EXOC4: variants seen among roughly 807,000 people sequenced by gnomAD.
EXOC4 encodes the protein SEC8-like 1.
A neutral mutation model predicts 107.2 loss-of-function variants in EXOC4; 71 were observed. The observed-to-expected ratio is 0.66, with a 90% CI of 0.55 to 0.81. The LOEUF (loss-of-function observed/expected upper bound fraction) is 0.81, where lower values mean the gene tolerates loss of function less well. EXOC4 is among the 30% of genes least tolerant of loss of function. EXOC4 has a pLI of 0.00. For missense variants in EXOC4, 1,108 were observed against 1,189.6 expected (o/e 0.93, Z 1.01); for synonymous variants, 456 against 441.2 (o/e 1.03, Z -0.42).
chr7:133,537,883 A>G (rs927494196), intron 9 of EXOC4, among the ~76,000 whole-genome samples: 10 of 152,354 alleles, frequency 6.6e-5, no homozygotes, highest in South Asian at 2.1e-4. Flanking sequence ...ATGGGGTTGT[A>G]AAGAGTTTTA....
At chr7:134,033,405 G>A (rs960090262) in intron 17 of EXOC4, among the ~76,000 whole-genome samples, 15 of 152,100 alleles carry the variant, frequency 9.9e-5, no homozygotes, top group African/African-American at 2.4e-5. Flanking sequence ...TTTTAGCACT[G>A]GAGGGAGAGG....
rs527547241 is a variant in EXOC4 at position 133,519,406 on chromosome 7, G to GA, written c.1417+39269dup. 8.5e-5 allele frequency among the ~76,000 whole-genome samples: 13 copies of GA among 152,130 alleles called. No individual in the cohort carries two copies. In the East Asian group the frequency reaches 1.7e-3, roughly 20 times the overall value. On this transcript the variant is annotated intron_variant, in intron 9 of 17. Transcript: ENST00000253861. Reference sequence around the variant, plus strand: ...CCAGTGCGCTCCAGCCCGGGCAACAGAGTGAGACCCTATCTTAAAAAAAAG... The same window carrying GA: ...CCAGTGCGCTCCAGCCCGGGCAACAGAAGTGAGACCCTATCTTAAAAAAAAG...
intron 14 of EXOC4, among the ~76,000 whole-genome samples, chr7:133,950,893 T>G (rs1055325694): frequency 6.6e-6 from 1 of 152,254 alleles, no homozygotes; most frequent in African/African-American, 2.4e-5. Flanking sequence ...ATCTTATTAC[T>G]TGTTTAATGG....
chr7:133,468,241 T>C (rs545789157), intron 7 of EXOC4, among the ~76,000 whole-genome samples: 2 of 152,298 alleles, frequency 1.3e-5, no homozygotes, highest in South Asian at 4.1e-4. Context: ...CACAAGACCA[T>C]AGCGTTAGTG....
At chr7:133,936,957 G>A (rs1007421336) in intron 13 of EXOC4, among the ~76,000 whole-genome samples, 7 of 152,120 alleles carry the variant, frequency 4.6e-5, no homozygotes, top group African/African-American at 1.4e-4. Flanking sequence ...CACTGCGCCC[G>A]GCCTTCAGTC....
In EXOC4 at chr7:133,795,051, C is replaced by T. The variant is rs564577271; in HGVS notation, c.1515-22274C>T. On this transcript the variant is annotated intron_variant, in intron 10 of 17. Transcript: ENST00000253861. ...ATTATGCATGTGTTCTTAAATGGTA[C>T]GTTGAAGAGACTATACAAAGAACTT... Among the ~76,000 whole-genome samples the T allele has an allele frequency of 9.8e-4, 147 of 150,514 alleles. 1 individual carries two copies. The highest frequency in any genetic ancestry group is 2.9e-3 in the African/African-American group (119 of 40,954).
At chr7:133,762,005 G>A (rs1439018838) in intron 10 of EXOC4, among the ~76,000 whole-genome samples, 12 of 152,298 alleles carry the variant, frequency 7.9e-5, no homozygotes, top group East Asian at 7.7e-4. Context: ...CAGCTCTCAC[G>A]TGCTTGATCT....
At chr7:133,483,997 C>G (rs1300251895) in intron 9 of EXOC4, 1 of 1,611,078 alleles carries the variant, frequency 6.2e-7, no homozygotes, top group Non-Finnish European at 8.5e-7. Context: ...GCTTTGCTTC[C>G]CAGTAATTTC....
chr7:133,911,099 AT>A (rs1799683513), intron 12 of EXOC4, among the ~76,000 whole-genome samples: 1 of 152,068 alleles, frequency 6.6e-6, no homozygotes, highest in Non-Finnish European at 1.5e-5. Context: ...AGGTACACCT[AT>A]TTTCCTCTTC....
chr7:133,316,703 G>A (rs529388084), intron 4 of EXOC4, among the ~76,000 whole-genome samples: 2 of 152,138 alleles, frequency 1.3e-5, no homozygotes, highest in East Asian at 3.9e-4. Flanking sequence ...AGGTGAAATG[G>A]GTAAATACTG....
At chr7:134,042,490 A>C (rs534571973) in intron 17 of EXOC4, among the ~76,000 whole-genome samples, 1 of 147,236 alleles carries the variant, frequency 6.8e-6, no homozygotes, top group East Asian at 2.0e-4. Context: ...AAAAAAAAAA[A>C]GGAAAGTGAA....
intron 10 of EXOC4, among the ~76,000 whole-genome samples, chr7:133,809,942 AAATG>A (rs1797176853): frequency 1.3e-5 from 2 of 152,212 alleles, no homozygotes; most frequent in Non-Finnish European, 2.9e-5. Context: ...GTTTCATGAA[AAATG>A]AATGATGTGC....
At chr7:133,608,593 C>T (rs143863733) in intron 9 of EXOC4, among the ~76,000 whole-genome samples, 16 of 124,896 alleles carry the variant, frequency 1.3e-4, no homozygotes, top group African/African-American at 5.0e-4. Flanking sequence ...TGCTCTGTTG[C>T]CAGGCAAGAG....
chr7:133,853,263 T>C (rs1197166632), intron 11 of EXOC4, among the ~76,000 whole-genome samples: 1 of 151,724 alleles, frequency 6.6e-6, no homozygotes, highest in Non-Finnish European at 1.5e-5. Context: ...ATCTGTTTCT[T>C]TCTTTGTTTC....
chr7:133,936,411 CTA>C (rs1211190181), intron 13 of EXOC4, among the ~76,000 whole-genome samples: 1 of 152,212 alleles, frequency 6.6e-6, no homozygotes, highest in East Asian at 1.9e-4. Context: ...AAGCATCTTT[CTA>C]TGTGTCAACA....
chr7:133,398,487 A>G (rs1400227700), intron 7 of EXOC4, among the ~76,000 whole-genome samples: 1 of 151,980 alleles, frequency 6.6e-6, no homozygotes, highest in Admixed American at 6.6e-5. Flanking sequence ...TTGCATGTAA[A>G]CCTTTTTCCT....
At chr7:133,411,760 A>G (rs1797360643) in intron 7 of EXOC4, among the ~76,000 whole-genome samples, 2 of 152,114 alleles carry the variant, frequency 1.3e-5, no homozygotes, top group Non-Finnish European at 2.9e-5. Flanking sequence ...TACTCCAGAG[A>G]AGGCATCTCC....
chr7:133,966,946 C>T (rs1039632835), intron 14 of EXOC4, among the ~76,000 whole-genome samples: 44 of 152,112 alleles, frequency 2.9e-4, no homozygotes, highest in Non-Finnish European at 5.1e-4. Flanking sequence ...GCTGTGAATT[C>T]GTCTGGTCCT....
chr7:133,463,844 A>G (rs1217495413), intron 7 of EXOC4, among the ~76,000 whole-genome samples: 1 of 152,226 alleles, frequency 6.6e-6, no homozygotes, highest in Non-Finnish European at 1.5e-5. Context: ...TGATGAAGAT[A>G]TACAGATAAT....
Sources: gnomAD v4.1 joint callset for allele counts (sites outside exome capture counted in the v4.1 genomes callset) on GRCh38, gnomAD v4.1.1 for gene constraint, MANE v1.5 for transcripts, NCBI Gene and HGNC (gene_info 2026-07-23, HGNC 2026-07-21) for gene names.